Variants in STAG1 observed in about 807,000 individuals in gnomAD.
STAG1 encodes cohesin subunit SA-1.
Under a neutral mutation model 170.9 loss-of-function variants are expected in STAG1, and 26 were observed. The observed-to-expected ratio is 0.15, with a 90% confidence interval of 0.11 to 0.21. The LOEUF (loss-of-function observed/expected upper bound fraction) is 0.21, where lower values mean the gene tolerates loss of function less well. Among genes scored for constraint, STAG1 ranks in the 10% least tolerant of loss-of-function variants. The pLI, the probability that STAG1 is intolerant of heterozygous loss-of-function variation, is 1.00. For missense variants in STAG1, 964 were observed against 1,509.5 expected (o/e 0.64, Z 5.99); for synonymous variants, 514 against 497.7 (o/e 1.03, Z -0.44).
At position 136,611,101 on chromosome 3, in the gene STAG1, G is replaced by A. The variant is rs548520195; in HGVS notation, c.133-6628C>T. ...GAACTCAAGTCTAAACATGAAACTC[G>A]TTTATGTTTCACATATACCTTACAC... On this transcript the variant is annotated intron_variant, in intron 3 of 33. Transcript: ENST00000383202. Among the ~76,000 whole-genome samples the A allele has an allele frequency of 2.6e-4, 39 of 152,176 alleles. No individual in the cohort carries two copies. The South Asian group carries it at 5.4e-3, about 21-fold the overall frequency.
At chr3:136,460,138 A>C (rs994491523) in intron 13 of STAG1, among the ~76,000 whole-genome samples, 1 of 152,210 alleles carries the variant, frequency 6.6e-6, no homozygotes, top group Admixed American at 6.5e-5. Context: ...TAAAAAAAAG[A>C]ATATCCAAAT....
chr3:136,747,426 C>T (rs1307714812), intron 1 of STAG1, among the ~76,000 whole-genome samples: 1 of 152,048 alleles, frequency 6.6e-6, no homozygotes, highest in African/African-American at 2.4e-5. Flanking sequence ...CACTGGCTCA[C>T]GCCTGTAATC....
intron 4 of STAG1, among the ~76,000 whole-genome samples, chr3:136,580,568 C>G (rs1937570134): frequency 1.4e-5 from 2 of 145,310 alleles, no homozygotes; most frequent in Non-Finnish European, 3.0e-5. Context: ...GCTCTGTCGC[C>G]CAGGCCGGAC....
At chr3:136,475,138 C>CTTTTTTT (rs10686674) in intron 10 of STAG1, among the ~76,000 whole-genome samples, 12 of 76,026 alleles carry the variant, frequency 1.6e-4, no homozygotes, top group South Asian at 6.3e-4. Flanking sequence ...TTATAGGTTC[C>CTTTTTTT]TTTTTTTTTT....
intron 12 of STAG1, among the ~76,000 whole-genome samples, chr3:136,466,974 A>C (rs990577382): frequency 2.6e-5 from 4 of 152,182 alleles, no homozygotes; most frequent in Non-Finnish European, 5.9e-5. Flanking sequence ...GTCACCACCA[A>C]GCCTGCCCTA....
chr3:136,356,395 A>G (rs904208435), intron 28 of STAG1, among the ~76,000 whole-genome samples: 1 of 152,104 alleles, frequency 6.6e-6, no homozygotes, highest in Non-Finnish European at 1.5e-5. Flanking sequence ...AAATCGACTG[A>G]TTGACACAGG....
chr3:136,615,108 G>C (rs1464275923), intron 3 of STAG1, among the ~76,000 whole-genome samples: 1 of 151,926 alleles, frequency 6.6e-6, no homozygotes, highest in African/African-American at 2.4e-5. Context: ...TGCAAGTTGG[G>C]ACTTCATGAA....
At chr3:136,541,012 T>C (rs1365157048) in intron 6 of STAG1, among the ~76,000 whole-genome samples, 4 of 152,212 alleles carry the variant, frequency 2.6e-5, no homozygotes, top group Admixed American at 2.6e-4. Context: ...AAGTTAATTC[T>C]TGGCTTTCTG....
At chr3:136,655,846 A>G (rs1050629868) in intron 1 of STAG1, among the ~76,000 whole-genome samples, 1 of 152,166 alleles carries the variant, frequency 6.6e-6, no homozygotes, top group Non-Finnish European at 1.5e-5. Flanking sequence ...TGGTATAGCC[A>G]CAGTGTAAAA....
intron 4 of STAG1, among the ~76,000 whole-genome samples, chr3:136,577,766 A>G (rs1433830432): frequency 1.3e-5 from 2 of 152,246 alleles, no homozygotes; most frequent in Admixed American, 6.5e-5. Context: ...AAATCTGAGG[A>G]ACATGTATGA....
Position 136,464,889 on chromosome 3 carries a change from A to T in STAG1, c.1305T>A (p.Leu435=). 6.2e-7 allele frequency: 1 copy of T among 1,609,656 alleles called. No individual in the cohort carries two copies. Among genetic ancestry groups the T allele is most frequent in the Non-Finnish European group, 8.5e-7 (1 of 1,178,666 alleles). ...RPVAVAAGEF[L]HKKLFSRHDP... ...AAAGATAATTAGCTCACTTTTTGTG[A>T]AGGAACTCTCCAGCTGCCACAGCAA... Residue 435 remains leucine, a synonymous_variant, in exon 13 of 34, where the codon CTT becomes CTA. Coordinates refer to ENST00000383202, the MANE Select transcript of STAG1 (RefSeq NM_005862.3).
intron 1 of STAG1, among the ~76,000 whole-genome samples, chr3:136,678,850 C>CAAAAAAA (rs559610524): frequency 8.5e-5 from 3 of 35,338 alleles, no homozygotes; most frequent in African/African-American, 2.0e-4. Flanking sequence ...CCCATGCTCA[C>CAAAAAAA]AAAAAAAAAA....
intron 7 of STAG1, among the ~76,000 whole-genome samples, chr3:136,509,466 GGTATGGGAGAGATGGTT>G (rs1027798636): frequency 1.4e-4 from 21 of 151,980 alleles, no homozygotes; most frequent in African/African-American, 4.8e-4. Context: ...CTCTGCTGCA[GGTATGGGAGAGATGGTT>G]GTATGGGGTT....
At chr3:136,433,119 T>C (rs1281988449) in intron 16 of STAG1, among the ~76,000 whole-genome samples, 2 of 152,122 alleles carry the variant, frequency 1.3e-5, no homozygotes, top group African/African-American at 4.8e-5. Flanking sequence ...CATCTATGAT[T>C]ATCTGAACTC....
In STAG1 at chr3:136,341,509, T is replaced by C. The variant is rs201648959; in HGVS notation, c.3489A>G (p.Glu1163=). Residue 1163 remains glutamate, a synonymous_variant, in exon 31 of 34, where the codon GAA becomes GAG. Transcript: ENST00000383202. ...QISWLGQPKL[E]DLNRKDRTGM... is the part of the protein sequence containing the mutation. Reference sequence around the variant, plus strand: ...CTGTTCTGTCCTTCCGATTTAAGTCTTCTAACTTCGGCTGGCCTAACCAAG... The same window carrying C: ...CTGTTCTGTCCTTCCGATTTAAGTCCTCTAACTTCGGCTGGCCTAACCAAG... 21 of 1,613,852 alleles carry C rather than the reference T, an allele frequency of 1.3e-5. No individual in the cohort carries two copies. The highest frequency in any genetic ancestry group is 1.8e-5 in the Non-Finnish European group (21 of 1,179,960).
At chr3:136,682,500 A>G (rs1942371310) in intron 1 of STAG1, among the ~76,000 whole-genome samples, 1 of 151,060 alleles carries the variant, frequency 6.6e-6, no homozygotes, top group Non-Finnish European at 1.5e-5. Flanking sequence ...AGAACTAAAT[A>G]TGTCACACGA....
chr3:136,336,814 G>A lies in STAG1; in HGVS notation c.*1440C>T, dbSNP rs1389018378. On this transcript the variant is annotated 3_prime_UTR_variant, in exon 34 of 34. Coordinates refer to ENST00000383202, the MANE Select transcript of STAG1 (RefSeq NM_005862.3). ...CCCGCACAAAAGATGATCACTGGGT[G>A]TGCAGAATTTTAAAAAATGTTTTTC... is the stretch of plus-strand genomic sequence containing the variant. 6.6e-6 allele frequency: 1 copy of A among 152,224 alleles called. No homozygotes were observed. The highest frequency in any genetic ancestry group is 1.5e-5 in the Non-Finnish European group (1 of 68,040). The allele number at this position is 152,224 out of a possible 1,614,324, so 9.4% of individuals were successfully genotyped here.
chr3:136,624,053 G>T (rs752787014), intron 2 of STAG1, among the ~76,000 whole-genome samples: 1 of 151,396 alleles, frequency 6.6e-6, no homozygotes, highest in African/African-American at 2.4e-5. Context: ...CCACATAACC[G>T]ATTCTCACAA....
Position 136,731,566 on chromosome 3 carries a change from G to A in STAG1, c.-84+20629C>T, listed in dbSNP as rs575415121. On this transcript the variant is annotated intron_variant, in intron 1 of 33. Transcript: ENST00000383202. ...AACCCTGGATGGGAGAAAGAGAGGA[G>A]CAATAAGCCTATCAAGTAAAGATTT... Among the ~76,000 whole-genome samples, 14 of 152,336 alleles carry A rather than the reference G, an allele frequency of 9.2e-5. No homozygotes were observed. The South Asian group carries it at 2.7e-3, about 29-fold the overall frequency.
Sources: allele counts gnomAD v4.1 joint callset (sites outside exome capture counted in the v4.1 genomes callset), GRCh38; gene constraint gnomAD v4.1.1; transcripts MANE v1.5; gene names NCBI Gene and HGNC (gene_info 2026-07-23, HGNC 2026-07-21).